PTPRD: variants seen among roughly 807,000 people sequenced by gnomAD.
PTPRD encodes protein tyrosine phosphatase receptor type D, also known as receptor-type tyrosine-protein phosphatase delta.
A neutral mutation model predicts 214.5 loss-of-function variants in PTPRD; 34 were observed. The ratio of observed to expected loss-of-function variants is 0.16; its 90% CI spans 0.12 to 0.21. PTPRD has a LOEUF of 0.21. Among genes scored for constraint, PTPRD ranks in the 10% least tolerant of loss-of-function variants. PTPRD has a pLI of 1.00. For missense variants in PTPRD, 2,545 were observed against 2,398.7 expected (o/e 1.06, Z -1.27); for synonymous variants, 1,128 against 845.7 (o/e 1.33, Z -5.79).
intron 3 of PTPRD, among the ~76,000 whole-genome samples, chr9:10,211,336 T>C (rs2099515926): frequency 6.6e-6 from 1 of 152,090 alleles, no homozygotes; most frequent in Non-Finnish European, 1.5e-5. Flanking sequence ...TGAAGACAAA[T>C]CTATGAAAAA....
chr9:9,679,130 A>AAAT (rs1312603451), intron 7 of PTPRD, among the ~76,000 whole-genome samples: 1 of 150,634 alleles, frequency 6.6e-6, no homozygotes, highest in African/African-American at 2.4e-5. Context: ...GGAAAAAAAA[A>AAAT]AAAACCTAGA....
chr9:9,873,231 T>A (rs1401479695), intron 5 of PTPRD, among the ~76,000 whole-genome samples: 1 of 152,172 alleles, frequency 6.6e-6, no homozygotes, highest in East Asian at 1.9e-4. Context: ...AAAGATAAAC[T>A]GTTCTAACCT....
chr9:8,772,765 C>A (rs1057506631), intron 11 of PTPRD, among the ~76,000 whole-genome samples: 10 of 151,858 alleles, frequency 6.6e-5, no homozygotes, highest in African/African-American at 2.4e-4. Flanking sequence ...ATGAGTATAA[C>A]TTTTCTGCTT....
chr9:8,553,184 C>A (rs975374268), intron 14 of PTPRD, among the ~76,000 whole-genome samples: 1 of 152,122 alleles, frequency 6.6e-6, no homozygotes, highest in Non-Finnish European at 1.5e-5. Context: ...CTATAGATTA[C>A]AACTAAACTC....
intron 9 of PTPRD, among the ~76,000 whole-genome samples, chr9:9,332,726 A>G (rs1051045925): frequency 6.6e-6 from 1 of 151,982 alleles, no homozygotes; most frequent in African/African-American, 2.4e-5. Flanking sequence ...TGAGATGGAA[A>G]TATGAAAATA....
chr9:10,511,947 CGTGTGTGTATATATATAT>C (rs2048271232), intron 2 of PTPRD, among the ~76,000 whole-genome samples: 1 of 67,510 alleles, frequency 1.5e-5, no homozygotes, highest in Non-Finnish European at 3.1e-5. Context: ...TATATATATA[CGTGTGTGTATATATATAT>C]ACGTGTGTGT....
At chr9:8,370,993 C>G (rs1003053883) in intron 39 of PTPRD, among the ~76,000 whole-genome samples, 1 of 152,036 alleles carries the variant, frequency 6.6e-6, no homozygotes, top group African/African-American at 2.4e-5. Flanking sequence ...ATGACAGGGC[C>G]TCTTCAGTTG....
intron 12 of PTPRD, among the ~76,000 whole-genome samples, chr9:8,662,161 T>G (rs543121697): frequency 1.1e-3 from 173 of 152,290 alleles, no homozygotes; most frequent in African/African-American, 4.1e-3. Context: ...GTATTTTACA[T>G]AAGTGAGAGA....
chr9:8,617,938 T>A (rs1564750031), intron 14 of PTPRD, among the ~76,000 whole-genome samples: 2 of 152,062 alleles, frequency 1.3e-5, no homozygotes, highest in East Asian at 1.9e-4. Context: ...GCTCATTTTT[T>A]AAAAAAATCA....
intron 4 of PTPRD, among the ~76,000 whole-genome samples, chr9:9,948,795 G>T (rs974360650): frequency 1.3e-5 from 2 of 151,992 alleles, no homozygotes; most frequent in Non-Finnish European, 2.9e-5. Flanking sequence ...TATTAGATCT[G>T]ATCTCAACAG....
intron 3 of PTPRD, among the ~76,000 whole-genome samples, chr9:10,035,898 G>A (rs560164708): frequency 1.5e-4 from 20 of 137,614 alleles, no homozygotes; most frequent in African/African-American, 5.6e-4. Context: ...ACTAACTTTG[G>A]CCCTTGTTCA....
chr9:8,386,689 T>G (rs1178902684), intron 37 of PTPRD, among the ~76,000 whole-genome samples: 2 of 152,176 alleles, frequency 1.3e-5, no homozygotes, highest in African/African-American at 4.8e-5. Context: ...TCCTGAAGTC[T>G]GGAGCTATAG....
intron 7 of PTPRD, among the ~76,000 whole-genome samples, chr9:9,676,908 G>A (rs1445724407): frequency 6.6e-6 from 1 of 152,072 alleles, no homozygotes; most frequent in Admixed American, 6.5e-5. Context: ...GTGTTTTTTG[G>A]CTGCATGAAT....
chr9:9,656,163 T>C (rs1352170057), intron 7 of PTPRD, among the ~76,000 whole-genome samples: 1 of 152,220 alleles, frequency 6.6e-6, no homozygotes, highest in Non-Finnish European at 1.5e-5. Context: ...TTATCATTTA[T>C]TTCCAGTGGG....
chr9:9,045,892 G>T (rs1188326093), intron 10 of PTPRD, among the ~76,000 whole-genome samples: 2 of 152,122 alleles, frequency 1.3e-5, no homozygotes, highest in Non-Finnish European at 2.9e-5. Context: ...GAAATGATTA[G>T]GCTTCCATCA....
At chr9:10,537,774 A>G (rs2058178300) in intron 2 of PTPRD, among the ~76,000 whole-genome samples, 1 of 152,118 alleles carries the variant, frequency 6.6e-6, no homozygotes, top group South Asian at 2.1e-4. Context: ...AAAGTTTCCT[A>G]ATAACTAAAT....
intron 3 of PTPRD, among the ~76,000 whole-genome samples, chr9:10,064,106 G>C (rs2097832514): frequency 6.6e-6 from 1 of 151,224 alleles, no homozygotes. Context: ...TGTCTTCAAT[G>C]TGTAACTTAA....
chr9:8,738,551 A>C (rs1222630594), intron 11 of PTPRD, among the ~76,000 whole-genome samples: 1 of 152,140 alleles, frequency 6.6e-6, no homozygotes, highest in Admixed American at 6.6e-5. Context: ...CTACTAGGCT[A>C]TATTAAAAAA....
At chr9:8,646,446 T>C (rs1333289668) in intron 12 of PTPRD, among the ~76,000 whole-genome samples, 1 of 152,214 alleles carries the variant, frequency 6.6e-6, no homozygotes, top group East Asian at 1.9e-4. Flanking sequence ...AGAGCTGCTG[T>C]CAATCTATTT....
Sources: allele counts gnomAD v4.1 joint callset (sites outside exome capture counted in the v4.1 genomes callset), GRCh38; gene constraint gnomAD v4.1.1; transcripts MANE v1.5; gene names NCBI Gene and HGNC (gene_info 2026-07-23, HGNC 2026-07-21).